COMMD2: variants seen among roughly 807,000 people sequenced by gnomAD.
COMMD2 encodes the protein COMM domain-containing protein 2.
A neutral mutation model predicts 22.5 loss-of-function variants in COMMD2; 25 were observed. The ratio of observed to expected loss-of-function variants is 1.11; its 90% CI spans 0.81 to 1.55. The LOEUF is 1.55. Among genes scored for constraint, COMMD2 ranks in the 40% most tolerant of loss-of-function variants. The pLI, the probability that COMMD2 is intolerant of heterozygous loss-of-function variation, is 0.00. For synonymous variants in COMMD2, 98 were observed against 91.2 expected, an observed-to-expected ratio of 1.07 and a Z score of -0.42; for missense variants, 223 against 232.9, an observed-to-expected ratio of 0.96 and a Z score of 0.28.
Position 149,752,169 on chromosome 3 carries a change from C to T in COMMD2, c.145+41G>A, listed in dbSNP as rs199947632. Reference sequence around the variant, plus strand: ...CGGGAGACAGGGAATGGCTCGCAACCGCCCTAGAAGCCTGCGGAGCCTTCC... The same window carrying T: ...CGGGAGACAGGGAATGGCTCGCAACTGCCCTAGAAGCCTGCGGAGCCTTCC... On this transcript the variant is annotated intron_variant, in intron 2 of 4. Transcript: ENST00000473414. 5.3e-5 allele frequency: 82 copies of T among 1,552,362 alleles called. 1 individual carries two copies. Among genetic ancestry groups the T allele is most frequent in the Non-Finnish European group, 6.8e-5 (77 of 1,132,324 alleles).
chr3:149,740,471 A>AT lies in COMMD2; in HGVS notation c.*1049dup, dbSNP rs1175744636. ...ATGTAAATGACAGAGTGTCTCCTAG[A>AT]TGCTTTGGGTATGGTGGAAGAATTA... On this transcript the variant is annotated 3_prime_UTR_variant, in exon 5 of 5. Coordinates refer to ENST00000473414, the MANE Select transcript of COMMD2 (RefSeq NM_016094.4). The AT allele has an allele frequency of 1.3e-5, 2 of 152,210 alleles. No individual in the cohort carries two copies. Among genetic ancestry groups the AT allele is most frequent in the Middle Eastern group, 6.3e-3 (2 of 316 alleles). The allele number at this position is 152,210 out of a possible 1,614,324, so 9.4% of individuals were successfully genotyped here.
rs1280486097 is a variant in COMMD2, at chr3:149,738,586, A to C, written c.*2935T>G. 1 of 152,044 alleles carries C rather than the reference A, an allele frequency of 6.6e-6. No homozygotes were observed. Among genetic ancestry groups the C allele is most frequent in the African/African-American group, 2.4e-5 (1 of 41,442 alleles). The allele number at this position is 152,044 out of a possible 1,614,324, so 9.4% of individuals were successfully genotyped here. On this transcript the variant is annotated 3_prime_UTR_variant, in exon 5 of 5. Coordinates refer to ENST00000473414, the MANE Select transcript of COMMD2 (RefSeq NM_016094.4). ...ACGAGTCAATGTGGTAGGTAATCCTATATTCCTATTTTAGAGATGAACAAA... is the reference window on the plus strand; with the variant it reads ...ACGAGTCAATGTGGTAGGTAATCCTCTATTCCTATTTTAGAGATGAACAAA...
At chr3:149,747,245 C>T (rs879420251) in intron 4 of COMMD2, among the ~76,000 whole-genome samples, 1 of 152,008 alleles carries the variant, frequency 6.6e-6, no homozygotes, top group African/African-American at 2.4e-5. Flanking sequence ...TTTGAGAATC[C>T]CAAGAATATG....
chr3:149,746,206 T>C (rs1716360037), intron 4 of COMMD2, among the ~76,000 whole-genome samples: 2 of 152,186 alleles, frequency 1.3e-5, no homozygotes, highest in African/African-American at 4.8e-5. Context: ...AAATTATAAT[T>C]TTGGTGTGAA....
In COMMD2 at chr3:149,750,792, G is replaced by A; in HGVS notation, c.288C>T (p.Asn96=). 1 of 1,605,178 alleles carries A rather than the reference G, an allele frequency of 6.2e-7. No homozygotes were observed. The highest frequency in any genetic ancestry group is 8.5e-7 in the Non-Finnish European group (1 of 1,174,480). The change falls in exon 4 of 5, where the codon AAC becomes AAT. Residue 96 remains asparagine (N), a synonymous_variant. Transcript: ENST00000473414. ...CCAGATAAAGCTGAAGCAACAATTT[G>A]TTTAATTCTTCAGAGAATCCCAGAA... The part of the protein sequence containing the change: ...VFVLGFSEEL[N]KLLLQLYLDN...
In COMMD2 at chr3:149,752,192, T is replaced by C. The variant is rs1291582041; in HGVS notation, c.145+18A>G. ...ACCGCCCTAGAAGCCTGCGGAGCCT[T>C]CCCCTTTCCCTTCTTACTGGCGGCG... On this transcript the variant is annotated intron_variant, in intron 2 of 4. Coordinates refer to ENST00000473414, the MANE Select transcript of COMMD2 (RefSeq NM_016094.4). The C allele has an allele frequency of 6.2e-7, 1 of 1,610,646 alleles. No individual in the cohort carries two copies. The highest frequency in any genetic ancestry group is 1.7e-5 in the Admixed American group (1 of 59,786).
chr3:149,746,739 C>T (rs763132086), intron 4 of COMMD2, among the ~76,000 whole-genome samples: 14 of 152,148 alleles, frequency 9.2e-5, no homozygotes, highest in Non-Finnish European at 1.9e-4. Context: ...GCCGAGATTG[C>T]ACCACTGCAC....
At chr3:149,751,642 C>T (rs2108253934) in intron 2 of COMMD2, 157 bp from the exon 3 acceptor site, 1 of 569,982 alleles carries the variant, frequency 1.8e-6, no homozygotes, top group East Asian at 3.2e-5. Flanking sequence ...CCTTGTCATT[C>T]CACTCCCAGC....
Position 149,750,743 on chromosome 3 carries a change from T to G in COMMD2, c.337A>C (p.Ile113Leu), listed in dbSNP as rs9843784. The G allele has an allele frequency of 0.38, 614,860 of 1,604,412 alleles. 123,865 individuals carry two copies. Among genetic ancestry groups the G allele is most frequent in the Middle Eastern group, 0.48 (2,894 of 6,032 alleles). The stretch of plus-strand genomic sequence containing the variant: ...AGGCTTGGTGCCAATTCACTCAGAA[T>G]CGTTCTGATCTCTTTTCTGTTGTCC... ...YLDNRKEIRT[I>L]LSELAPSLPS... The change falls in exon 4 of 5, where the codon ATT (isoleucine) becomes CTT (leucine). Residue 113 changes from isoleucine to leucine, a missense_variant. Physicochemically the swap from Ile to Leu is conservative, Grantham distance 5 (BLOSUM62 2). Transcript: ENST00000473414.
At position 149,741,415 on chromosome 3, in the gene COMMD2, T is replaced by C. The variant is rs780174663; in HGVS notation, c.*106A>G. On this transcript the variant is annotated 3_prime_UTR_variant, in exon 5 of 5. Transcript: ENST00000473414. ...TCTTGGAATAGATACTGAGGAATAC[T>C]ATGTATTTATCATCATGAATTAATA... 5 of 881,720 alleles carry C rather than the reference T, an allele frequency of 5.7e-6. No individual in the cohort carries two copies. Among genetic ancestry groups the C allele is most frequent in the Non-Finnish European group, 9.0e-6 (5 of 555,412 alleles). 54.6% of individuals were successfully genotyped at this position (881,720 alleles called of 1,614,324 possible).
chr3:149,742,819 T>G (rs1308423794), intron 4 of COMMD2, among the ~76,000 whole-genome samples: 1 of 151,686 alleles, frequency 6.6e-6, no homozygotes, highest in African/African-American at 2.4e-5. Flanking sequence ...ATACAAAAAT[T>G]AGCTGGCATG....
chr3:149,751,327 C>T (rs1716523187), intron 3 of COMMD2, 76 bp downstream of exon 3: 1 of 1,601,852 alleles, frequency 6.2e-7, no homozygotes, highest in Admixed American at 1.7e-5. Flanking sequence ...AGGTACCTGC[C>T]AGGACTATGA....
chr3:149,751,627 C>T (rs1716534941), intron 2 of COMMD2, 142 bp from the exon 3 acceptor site: 1 of 686,172 alleles, frequency 1.5e-6, no homozygotes, highest in Admixed American at 3.4e-5. Flanking sequence ...CCAGAGGCTC[C>T]TGCTCCTTGT....
At chr3:149,751,952 T>C (rs1427116527) in intron 2 of COMMD2, 1 of 430,370 alleles carries the variant, frequency 2.3e-6, no homozygotes, top group Non-Finnish European at 4.1e-6. Context: ...CAAAACACTT[T>C]TCAGTATTTC....
rs372133542 is a variant in COMMD2, at chr3:149,751,472, C to G, written c.159G>C (p.Val53=). ...CACCATGCTGGACAGTGTCACTACTCACATTGAGTTTTCCTGAGAAAGAAA... is the reference window on the plus strand; with the variant it reads ...CACCATGCTGGACAGTGTCACTACTGACATTGAGTTTTCCTGAGAAAGAAA... ...IYEGAARKLN[V]SSDTVQHGVE... The change falls in exon 3 of 5, where the codon GTG becomes GTC. Residue 53 remains valine (V), a synonymous_variant. Transcript: ENST00000473414. 1.0e-5 allele frequency: 16 copies of G among 1,597,030 alleles called. No homozygotes were observed. In the South Asian group the frequency reaches 1.7e-4, roughly 17 times the overall value.
intron 4 of COMMD2, among the ~76,000 whole-genome samples, chr3:149,745,358 T>G (rs1018291848): frequency 2.0e-5 from 3 of 152,032 alleles, no homozygotes; most frequent in African/African-American, 7.2e-5. Flanking sequence ...CTCTTTCTGT[T>G]CAGCACTGAT....
At chr3:149,748,219 A>T (rs1716430309) in intron 4 of COMMD2, among the ~76,000 whole-genome samples, 1 of 152,200 alleles carries the variant, frequency 6.6e-6, no homozygotes. Flanking sequence ...CAAGAGGAAC[A>T]GGAGAGAAGA....
At chr3:149,750,887 A>C (rs754259318) in intron 3 of COMMD2, 36 bp from the exon 4 acceptor site, 1 of 1,339,366 alleles carries the variant, frequency 7.5e-7, no homozygotes, top group African/African-American at 1.5e-5. Context: ...ATCAAAATTT[A>C]TCTTTGTCTA....
In COMMD2 at chr3:149,738,513, C is replaced by T. The variant is rs933823920; in HGVS notation, c.*3008G>A. 1 of 151,878 alleles carries T rather than the reference C, an allele frequency of 6.6e-6. No homozygotes were observed. Among genetic ancestry groups the T allele is most frequent in the African/African-American group, 2.4e-5 (1 of 41,376 alleles). 9.4% of individuals were successfully genotyped at this position (151,878 alleles called of 1,614,324 possible). ...AACATTTATTGAGTTCTTTGTAAAGCCTGGTACTATGTTAAACATTCTATA... is the reference window on the plus strand; with the variant it reads ...AACATTTATTGAGTTCTTTGTAAAGTCTGGTACTATGTTAAACATTCTATA... On this transcript the variant is annotated 3_prime_UTR_variant, in exon 5 of 5. Transcript: ENST00000473414.
Sources: gnomAD v4.1 joint callset for allele counts (sites outside exome capture counted in the v4.1 genomes callset) on GRCh38, gnomAD v4.1.1 for gene constraint, MANE v1.5 for transcripts, NCBI Gene and HGNC (gene_info 2026-07-23, HGNC 2026-07-21) for gene names.